DMRT1: variants seen among roughly 807,000 people sequenced by gnomAD.
DMRT1 encodes doublesex- and mab-3-related transcription factor 1.
In DMRT1, 7 loss-of-function variants were observed where a neutral mutation model predicts 32.3. The observed-to-expected ratio is 0.22, with a 90% CI of 0.12 to 0.41. The LOEUF (loss-of-function observed/expected upper bound fraction) is 0.41, where lower values mean the gene tolerates loss of function less well. Ranked by LOEUF, DMRT1 falls within the 10% of genes least tolerant of loss-of-function variation. The probability of loss-of-function intolerance (pLI) is 1.00; values close to 1 mark genes in which losing one functional copy is unlikely to be tolerated. For synonymous variants in DMRT1, 278 were observed against 206.1 expected, an observed-to-expected ratio of 1.35 and a Z score of -2.99; for missense variants, 625 against 500.5, an observed-to-expected ratio of 1.25 and a Z score of -2.37.
intron 4 of DMRT1, among the ~76,000 whole-genome samples, chr9:919,557 G>A (rs932518831): frequency 1.3e-5 from 2 of 152,144 alleles, no homozygotes; most frequent in Admixed American, 1.3e-4. Flanking sequence ...TCAGAGAGAT[G>A]GTGGAGTCAG....
chr9:883,880 T>G (rs1371464263), intron 2 of DMRT1, among the ~76,000 whole-genome samples: 1 of 152,154 alleles, frequency 6.6e-6, no homozygotes, highest in African/African-American at 2.4e-5. Context: ...GATGGATAGT[T>G]TTCAGACTTA....
At chr9:918,552 C>T (rs887358262) in intron 4 of DMRT1, among the ~76,000 whole-genome samples, 1 of 152,196 alleles carries the variant, frequency 6.6e-6, no homozygotes, top group African/African-American at 2.4e-5. Flanking sequence ...TGTACTAGCG[C>T]TCACAGGGAA....
At chr9:857,935 G>T (rs182453558) in intron 2 of DMRT1, among the ~76,000 whole-genome samples, 4,508 of 151,728 alleles carry the variant, frequency 0.03, 201 homozygotes, top group African/African-American at 0.1. Flanking sequence ...TTTCATCCAT[G>T]TCCCTACAAA....
chr9:870,801 C>A lies in DMRT1; in HGVS notation c.539-23111C>A, dbSNP rs74462149. 5.1e-3 allele frequency among the ~76,000 whole-genome samples: 730 copies of A among 143,976 alleles called. 5 individuals carry two copies. The highest frequency in any genetic ancestry group is 0.018 in the African/African-American group (701 of 38,718). The allele number at this position is 143,976 out of a possible 152,430, so 94.5% of individuals were successfully genotyped here. On this transcript the variant is annotated intron_variant, in intron 2 of 4. Transcript: ENST00000382276. ...ATCATGGCTCACTGCACCCTCTAGT[C>A]CTGGGGCTCAGGTGATTCTCCAACC...
chr9:873,065 T>G (rs1179456713), intron 2 of DMRT1, among the ~76,000 whole-genome samples: 1 of 152,208 alleles, frequency 6.6e-6, no homozygotes, highest in Non-Finnish European at 1.5e-5. Flanking sequence ...TAGGTAACCT[T>G]TAACCCAGTC....
chr9:917,976 G>T (rs1818236643), intron 4 of DMRT1, among the ~76,000 whole-genome samples: 1 of 152,174 alleles, frequency 6.6e-6, no homozygotes, highest in Non-Finnish European at 1.5e-5. Context: ...GCACAACTCT[G>T]TTTTATAAGT....
At chr9:954,729 C>T (rs767745524) in intron 4 of DMRT1, among the ~76,000 whole-genome samples, 30 of 152,160 alleles carry the variant, frequency 2.0e-4, no homozygotes, top group Middle Eastern at 3.4e-3. Context: ...GTAACCTGTG[C>T]CTCCCAGGTT....
At chr9:954,317 C>T (rs551518482) in intron 4 of DMRT1, among the ~76,000 whole-genome samples, 7 of 151,988 alleles carry the variant, frequency 4.6e-5, no homozygotes, top group East Asian at 1.9e-4. Flanking sequence ...GAGAAGGGAC[C>T]GGATAGGGCA....
intron 2 of DMRT1, among the ~76,000 whole-genome samples, chr9:888,496 G>T (rs979825532): frequency 4.6e-5 from 7 of 152,040 alleles, no homozygotes; most frequent in Non-Finnish European, 8.8e-5. Context: ...TTGTAGAGGG[G>T]TTTTGTTTGC....
intron 4 of DMRT1, among the ~76,000 whole-genome samples, chr9:925,150 C>T (rs1368816559): frequency 1.3e-5 from 2 of 152,158 alleles, no homozygotes; most frequent in Non-Finnish European, 2.9e-5. Flanking sequence ...CACGGAGGGT[C>T]AGCTTCGTAC....
At chr9:935,787 A>G (rs1212652972) in intron 4 of DMRT1, among the ~76,000 whole-genome samples, 1 of 152,196 alleles carries the variant, frequency 6.6e-6, no homozygotes, top group Non-Finnish European at 1.5e-5. Context: ...TGGTCTTTTG[A>G]GTATAAATGA....
At chr9:948,472 C>T (rs1046062878) in intron 4 of DMRT1, among the ~76,000 whole-genome samples, 9 of 152,100 alleles carry the variant, frequency 5.9e-5, no homozygotes, top group Non-Finnish European at 1.3e-4. Context: ...CCATTTCAGA[C>T]TCTACCATTA....
At position 900,633 on chromosome 9, in the gene DMRT1, A is replaced by C. The variant is rs1466308986; in HGVS notation, c.822+6438A>C. ...TTTTAAAATACTCTTAAATTGAAAA[A>C]AAAACAACAAAGACATAATAGGGAG... On this transcript the variant is annotated intron_variant, in intron 3 of 4. Transcript: ENST00000382276. Among the ~76,000 whole-genome samples the C allele has an allele frequency of 2.0e-5, 3 of 152,154 alleles. No homozygotes were observed. In the East Asian group the frequency reaches 5.8e-4, roughly 29 times the overall value.
At chr9:943,847 A>C (rs1359526762) in intron 4 of DMRT1, among the ~76,000 whole-genome samples, 1 of 152,238 alleles carries the variant, frequency 6.6e-6, no homozygotes, top group East Asian at 1.9e-4. Context: ...ATCAAAATAC[A>C]TTGATTTAAA....
chr9:855,576 T>C (rs541311862), intron 2 of DMRT1, among the ~76,000 whole-genome samples: 184 of 152,358 alleles, frequency 1.2e-3, no homozygotes, highest in African/African-American at 4.4e-3. Context: ...AAACTATTGA[T>C]GTTCAGTGTA....
chr9:871,913 A>G (rs1006697840), intron 2 of DMRT1, among the ~76,000 whole-genome samples: 1 of 151,452 alleles, frequency 6.6e-6, no homozygotes, highest in Non-Finnish European at 1.5e-5. Context: ...CTTTTCCAAC[A>G]ACTACCATTT....
At chr9:932,042 GC>G (rs1235785387) in intron 4 of DMRT1, among the ~76,000 whole-genome samples, 4 of 152,134 alleles carry the variant, frequency 2.6e-5, no homozygotes, top group African/African-American at 9.7e-5. Flanking sequence ...GCCCTCATCT[GC>G]AGATCGCATC....
chr9:914,845 C>G (rs780689007), intron 3 of DMRT1, among the ~76,000 whole-genome samples: 2 of 152,134 alleles, frequency 1.3e-5, no homozygotes, highest in African/African-American at 2.4e-5. Flanking sequence ...CTCAAAGCAT[C>G]AGGCAGAAAT....
intron 1 of DMRT1, among the ~76,000 whole-genome samples, chr9:844,676 C>T (rs932942056): frequency 7.3e-5 from 11 of 150,856 alleles, no homozygotes; most frequent in African/African-American, 2.7e-4. Flanking sequence ...TGTGGTTTTC[C>T]TAAAACAACA....
Sources: gnomAD v4.1 joint callset for allele counts (sites outside exome capture counted in the v4.1 genomes callset) on GRCh38, gnomAD v4.1.1 for gene constraint, MANE v1.5 for transcripts, NCBI Gene and HGNC (gene_info 2026-07-23, HGNC 2026-07-21) for gene names.